SKI: variants seen among roughly 807,000 people sequenced by gnomAD.
SKI encodes the protein ski oncogene.
Under a neutral mutation model 59.3 loss-of-function variants are expected in SKI, and 23 were observed. The observed-to-expected ratio is 0.39, with a 90% CI of 0.28 to 0.55. The LOEUF is 0.55. Among genes scored for constraint, SKI ranks in the 20% least tolerant of loss-of-function variants. The pLI, the probability that SKI is intolerant of heterozygous loss-of-function variation, is 0.67. For synonymous variants in SKI, 673 were observed against 488.6 expected (o/e 1.38, Z -4.98); for missense variants, 1,017 against 1,038.9 (o/e 0.98, Z 0.29).
At chr1:2,305,454 C>T (rs894655882) in intron 5 of SKI, among the ~76,000 whole-genome samples, 2 of 151,880 alleles carry the variant, frequency 1.3e-5, no homozygotes, top group East Asian at 1.9e-4. Context: ...GCCAGTCCCT[C>T]GCCCCAGCAC....
intron 1 of SKI, among the ~76,000 whole-genome samples, chr1:2,250,956 GGA>G (rs1452039042): frequency 6.6e-6 from 1 of 152,228 alleles, no homozygotes; most frequent in Non-Finnish European, 1.5e-5. Context: ...TTTTCTCAGG[GGA>G]GCCTCTCCCT....
intron 1 of SKI, chr1:2,232,725 C>T (rs147437829): frequency 1.7e-4 from 26 of 152,464 alleles, no homozygotes; most frequent in African/African-American, 6.0e-4. Context: ...GACCTTGTCT[C>T]ACCTCCCCAC....
intron 6 of SKI, 113 bp downstream of exon 6, chr1:2,306,363 G>A: frequency 8.8e-7 from 1 of 1,131,296 alleles, no homozygotes; most frequent in South Asian, 1.6e-5. Flanking sequence ...CCAGGCCCGG[G>A]ACCACGTTCC....
intron 1 of SKI, among the ~76,000 whole-genome samples, chr1:2,288,103 C>G: frequency 6.6e-6 from 1 of 152,320 alleles, no homozygotes; most frequent in South Asian, 2.1e-4. Flanking sequence ...ATTCTCCTGC[C>G]TCAGCCTCCC....
intron 1 of SKI, among the ~76,000 whole-genome samples, chr1:2,301,682 TCTC>T (rs1203476791): frequency 4.6e-5 from 7 of 151,762 alleles, no homozygotes; most frequent in African/African-American, 1.5e-4. Flanking sequence ...TGCAGCGTCT[TCTC>T]CTAGAGTCCT....
chr1:2,257,575 G>A (rs1004891333), intron 1 of SKI, among the ~76,000 whole-genome samples: 8 of 152,256 alleles, frequency 5.3e-5, no homozygotes, highest in African/African-American at 1.9e-4. Context: ...TCATCCAAGA[G>A]CCGGGCTCTC....
intron 1 of SKI, among the ~76,000 whole-genome samples, chr1:2,236,927 G>C (rs1638760675): frequency 6.6e-6 from 1 of 152,212 alleles, no homozygotes. Context: ...CCTGTTCTAG[G>C]CTTCCTGCAG....
At chr1:2,292,258 A>T (rs1640177807) in intron 1 of SKI, among the ~76,000 whole-genome samples, 1 of 152,196 alleles carries the variant, frequency 6.6e-6, no homozygotes, top group Non-Finnish European at 1.5e-5. Context: ...AGGAGAGCAC[A>T]GCCCACCTTG....
intron 1 of SKI, among the ~76,000 whole-genome samples, chr1:2,286,188 C>T (rs1188413713): frequency 1.3e-5 from 2 of 152,208 alleles, no homozygotes; most frequent in South Asian, 2.1e-4. Flanking sequence ...TCATCTTTAC[C>T]TTGTGTAATG....
In SKI at chr1:2,228,874, C is replaced by T. The variant is rs944776416; in HGVS notation, c.108C>T (p.Ala36=). 4 of 1,430,510 alleles carry T rather than the reference C, an allele frequency of 2.8e-6. No individual in the cohort carries two copies. The highest frequency in any genetic ancestry group is 2.4e-4 in the Middle Eastern group (1 of 4,088). The allele number at this position is 1,430,510 out of a possible 1,614,324, so 88.6% of individuals were successfully genotyped here. A position where few individuals can be genotyped will look rare whatever the true frequency, so the allele number is the denominator to read the frequency against. ...CCATGAGCTCGCTGGGCGGCCCGGC[C>T]GCTTTCTCGGCGCGCTGGGCGCAGG... ...LSSMSSLGGP[A]AFSARWAQEA... Residue 36 remains alanine (A), a synonymous_variant, in exon 1 of 7, where the codon GCC becomes GCT. Transcript: ENST00000378536.
At chr1:2,295,936 T>C (rs189730898) in intron 1 of SKI, among the ~76,000 whole-genome samples, 113 of 152,320 alleles carry the variant, frequency 7.4e-4, no homozygotes, top group African/African-American at 2.6e-3. Flanking sequence ...AACCTGCGTG[T>C]ACGCCGAGGA....
chr1:2,302,772 G>A (rs1019868060), intron 1 of SKI, among the ~76,000 whole-genome samples: 4 of 152,198 alleles, frequency 2.6e-5, no homozygotes. Context: ...CAGCCTCCAC[G>A]TGCCTGTTGC....
rs373097389 is a variant in SKI at position 2,278,656 on chromosome 1, CT to C, written c.970-24311del. 7.5e-3 allele frequency among the ~76,000 whole-genome samples: 1,095 copies of C among 145,322 alleles called. 9 individuals are homozygous for C. Among genetic ancestry groups the C allele is most frequent in the East Asian group, 0.038 (189 of 5,012 alleles). ...GAGAAGGGTGGGGTCTCTCTGGGGC[CT>C]TTTTTTTTTTAGGAAGTCACTGATG... On this transcript the variant is annotated intron_variant, in intron 1 of 6. Transcript: ENST00000378536.
In SKI at chr1:2,302,965, T is replaced by C; in HGVS notation, c.970-13T>C. ...GAACCACAGGTGCCAACAAAACCTT[T>C]CATTGATCGCAGGTCTCCTCTGAGC... On this transcript the variant is annotated splice_polypyrimidine_tract_variant and intron_variant, in intron 1 of 6. Transcript: ENST00000378536. 6.2e-7 allele frequency: 1 copy of C among 1,613,360 alleles called. No individual in the cohort carries two copies. The highest frequency in any genetic ancestry group is 2.2e-5 in the East Asian group (1 of 44,852).
In SKI at chr1:2,270,331, C is replaced by CT. The variant is rs558972378; in HGVS notation, c.970-32646dup. 9.2e-5 allele frequency among the ~76,000 whole-genome samples: 14 copies of CT among 152,346 alleles called. No individual in the cohort carries two copies. Among genetic ancestry groups the CT allele is most frequent in the African/African-American group, 3.4e-4 (14 of 41,578 alleles). On this transcript the variant is annotated intron_variant, in intron 1 of 6. Coordinates refer to ENST00000378536, the MANE Select transcript of SKI (RefSeq NM_003036.4). The surrounding 1 kb of genome is among the most constrained non-coding windows in gnomAD (Gnocchi z 4.1). The stretch of plus-strand genomic sequence containing the variant: ...GCTGAGAGATGCTGGTGACACCACT[C>CT]TGACGCCACGGCCTGAGGCAGCCGT...
At chr1:2,260,557 T>TTTTTTTTTTTTTTTG (rs1449350333) in intron 1 of SKI, among the ~76,000 whole-genome samples, 1 of 141,992 alleles carries the variant, frequency 7.0e-6, no homozygotes, top group Non-Finnish European at 1.5e-5. Context: ...TTTTTTTTTT[T>TTTTTTTTTTTTTTTG]TGAGACAGGG....
At chr1:2,305,887 C>G (rs773746593) in intron 5 of SKI, 133 bp from the exon 6 acceptor site, 25 of 759,242 alleles carry the variant, frequency 3.3e-5, no homozygotes, top group Non-Finnish European at 5.7e-5. Context: ...GGGCTGATGG[C>G]GCGCTGGGGG....
intron 1 of SKI, among the ~76,000 whole-genome samples, chr1:2,233,175 C>T (rs1474983436): frequency 6.6e-6 from 1 of 150,996 alleles, no homozygotes; most frequent in Non-Finnish European, 1.5e-5. Context: ...TGGCAGGATC[C>T]TGCTCCAAGG....
At chr1:2,238,964 G>T (rs1557813234) in intron 1 of SKI, among the ~76,000 whole-genome samples, 1 of 152,196 alleles carries the variant, frequency 6.6e-6, no homozygotes, top group Non-Finnish European at 1.5e-5. Context: ...CTGGAGGGGG[G>T]TGGGGACCCG....
Sources: allele counts gnomAD v4.1 joint callset (sites outside exome capture counted in the v4.1 genomes callset), GRCh38; gene constraint gnomAD v4.1.1; non-coding constraint Gnocchi (gnomAD v3.1); transcripts MANE v1.5; gene names NCBI Gene and HGNC (gene_info 2026-07-23, HGNC 2026-07-21).